IL10RB: variants seen among roughly 807,000 people sequenced by gnomAD.
The protein encoded by IL10RB is interleukin 10 receptor subunit beta.
A neutral mutation model predicts 38.7 loss-of-function variants in IL10RB; 30 were observed. The ratio of observed to expected loss-of-function variants is 0.78; its 90% CI spans 0.58 to 1.05. The LOEUF is 1.05. Ranked by LOEUF, IL10RB falls within the 50% of genes least tolerant of loss-of-function variation. The pLI is 0.00. For synonymous variants in IL10RB, 142 were observed against 145.9 expected (o/e 0.97, Z 0.19); for missense variants, 328 against 397.1 (o/e 0.83, Z 1.48).
chr21:33,300,777 C>T (rs575306258), downstream of IL10RB, among the ~76,000 whole-genome samples: 3 of 152,268 alleles, frequency 2.0e-5, no homozygotes, highest in African/African-American at 7.2e-5. Context: ...AGGCCCTCAC[C>T]AGACACTCAA....
chr21:33,304,292 C>A (rs1014342736), intron 1 of IL10RB, among the ~76,000 whole-genome samples: 4 of 152,194 alleles, frequency 2.6e-5, no homozygotes, highest in African/African-American at 9.6e-5. Flanking sequence ...AAAAAAGGAC[C>A]CAGCCTGAAG....
intron 3 of IL10RB, 59 bp downstream of exon 3, chr21:33,276,812 A>G (rs566730053): frequency 6.1e-6 from 9 of 1,484,836 alleles, no homozygotes; most frequent in Middle Eastern, 1.7e-4. Context: ...GTTTTTTTCC[A>G]CATTGGTTGG....
intron 1 of IL10RB, among the ~76,000 whole-genome samples, 181 bp downstream of exon 1, chr21:33,266,695 T>C (rs1988955294): frequency 6.6e-6 from 1 of 152,222 alleles, no homozygotes; most frequent in Non-Finnish European, 1.5e-5. Context: ...CCGTCGATTC[T>C]GTAACAGGAG....
intron 1 of IL10RB, 145 bp downstream of exon 1, chr21:33,266,659 G>A (rs1289697293): frequency 3.8e-6 from 3 of 793,804 alleles, no homozygotes; most frequent in African/African-American, 3.5e-5. Flanking sequence ...ACGGCCGGCT[G>A]CTGAGACGCA....
At chr21:33,273,408 C>T (rs1021977147) in intron 2 of IL10RB, among the ~76,000 whole-genome samples, 5 of 152,180 alleles carry the variant, frequency 3.3e-5, no homozygotes, top group Admixed American at 2.0e-4. Context: ...AAAATGTGCA[C>T]AGCTTAATTT....
intron 3 of IL10RB, 125 bp from the exon 4 acceptor site, chr21:33,279,627 A>G (rs1352877786): frequency 1.1e-5 from 9 of 821,156 alleles, no homozygotes; most frequent in African/African-American, 3.4e-5. Flanking sequence ...AATCAATGTC[A>G]TGACAATAGT....
At chr21:33,266,584 A>G in intron 1 of IL10RB, 70 bp downstream of exon 1, 23 of 1,455,450 alleles carry the variant, frequency 1.6e-5, no homozygotes, top group East Asian at 2.5e-5. Context: ...CCCTGATCCC[A>G]TCCCTGGGCG....
At chr21:33,273,727 G>A (rs892682690) in intron 2 of IL10RB, among the ~76,000 whole-genome samples, 2 of 152,184 alleles carry the variant, frequency 1.3e-5, no homozygotes, top group African/African-American at 4.8e-5. Context: ...CTAAGTTTAT[G>A]TAATATTCTA....
At chr21:33,267,520 T>TTG (rs1384501790) in intron 1 of IL10RB, among the ~76,000 whole-genome samples, 1 of 143,748 alleles carries the variant, frequency 7.0e-6, no homozygotes, top group Non-Finnish European at 1.5e-5. Flanking sequence ...GTTTTTTTGT[T>TTG]TTTTTTTGAG....
chr21:33,300,067 G>A (rs1375803451), downstream of IL10RB, among the ~76,000 whole-genome samples: 1 of 152,140 alleles, frequency 6.6e-6, no homozygotes, highest in African/African-American at 2.4e-5. Context: ...AATTCTCCAA[G>A]TTGCTACCCC....
chr21:33,301,093 G>T (rs1315208228), downstream of IL10RB, among the ~76,000 whole-genome samples: 4 of 152,146 alleles, frequency 2.6e-5, no homozygotes, highest in Non-Finnish European at 5.9e-5. Context: ...CTCAGCAAGG[G>T]AGTTAGCTGA....
In IL10RB at chr21:33,296,544, C is replaced by T. The variant is rs1390422771; in HGVS notation, c.*187C>T. ...TAAAGGCTGTCTTGGCAAAAATACT[C>T]CATTTGGGAACTCACTGCCTTATAA... On this transcript the variant is annotated 3_prime_UTR_variant, in exon 7 of 7. Coordinates refer to ENST00000290200, the MANE Select transcript of IL10RB (RefSeq NM_000628.5). 4.2e-6 allele frequency: 3 copies of T among 706,484 alleles called. No homozygotes were observed. The highest frequency in any genetic ancestry group is 7.7e-6 in the Non-Finnish European group (3 of 391,462). 43.8% of individuals were successfully genotyped at this position (706,484 alleles called of 1,614,324 possible).
At position 33,296,249 on chromosome 21, in the gene IL10RB, T is replaced by C. The variant is rs1327900404; in HGVS notation, c.870T>C (p.Asp290=). ...CCTTTCCATTGTCGGATGAGAATGA[T>C]GTTTTTGACAAGCTAAGTGTCATTG... ...FFSFPLSDEN[D]VFDKLSVIAE... is the part of the protein sequence containing the mutation. Residue 290 remains aspartate, a synonymous_variant, in exon 7 of 7, where the codon GAT becomes GAC. Coordinates refer to ENST00000290200, the MANE Select transcript of IL10RB (RefSeq NM_000628.5). The C allele has an allele frequency of 2.5e-6, 4 of 1,613,986 alleles. No homozygotes were observed. The highest frequency in any genetic ancestry group is 2.7e-5 in the African/African-American group (2 of 74,920).
intron 1 of IL10RB, among the ~76,000 whole-genome samples, chr21:33,306,774 C>A (rs944333194): frequency 8.5e-5 from 13 of 152,128 alleles, no homozygotes; most frequent in Admixed American, 2.0e-4. Flanking sequence ...TGGGCTCAAG[C>A]AATCCTCCTG....
In IL10RB at chr21:33,266,483, G is replaced by T; in HGVS notation, c.18G>T (p.Gly6=). 6.5e-7 allele frequency: 1 copy of T among 1,542,734 alleles called. No individual in the cohort carries two copies. ...GTCCGTCCATGGCGTGGAGCCTTGG[G>T]AGCTGGCTGGGTGGCTGCCTGCTGG... MAWSL[G]SWLGGCLLVS... is the part of the protein sequence containing the mutation. The change falls in exon 1 of 7, where the codon GGG becomes GGT. Residue 6 remains glycine, a synonymous_variant. Coordinates refer to ENST00000290200, the MANE Select transcript of IL10RB (RefSeq NM_000628.5).
chr21:33,292,857 T>C (rs1376424343), intron 6 of IL10RB, among the ~76,000 whole-genome samples: 1 of 152,138 alleles, frequency 6.6e-6, no homozygotes, highest in African/African-American at 2.4e-5. Context: ...AGTCCTGAGG[T>C]GTGCATAGGG....
intron 2 of IL10RB, among the ~76,000 whole-genome samples, chr21:33,274,865 CAA>C (rs1989141573): frequency 6.6e-6 from 1 of 152,194 alleles, no homozygotes; most frequent in African/African-American, 2.4e-5. Flanking sequence ...TAGCCCTTAA[CAA>C]GAGTCAGCCT....
chr21:33,292,036 G>A (rs1466443784), intron 6 of IL10RB, among the ~76,000 whole-genome samples: 1 of 152,164 alleles, frequency 6.6e-6, no homozygotes, highest in African/African-American at 2.4e-5. Flanking sequence ...GCTGTCTGCT[G>A]TCTATGATAC....
chr21:33,296,497 T>C lies in IL10RB; in HGVS notation c.*140T>C, dbSNP rs1601839750. 2.4e-6 allele frequency: 2 copies of C among 820,434 alleles called. No individual in the cohort carries two copies. Among genetic ancestry groups the C allele is most frequent in the East Asian group, 5.3e-5 (2 of 37,856 alleles). The allele number at this position is 820,434 out of a possible 1,614,324, so 50.8% of individuals were successfully genotyped here. A position where few individuals can be genotyped will look rare whatever the true frequency, so the allele number is the denominator to read the frequency against. On this transcript the variant is annotated 3_prime_UTR_variant, in exon 7 of 7. Coordinates refer to ENST00000290200, the MANE Select transcript of IL10RB (RefSeq NM_000628.5). ...ATCTAGAACTCCCAGACCCTGGACT[T>C]AGCCACCAGAGAGCTACATTTTAAA...
Sources: allele counts gnomAD v4.1 joint callset (sites outside exome capture counted in the v4.1 genomes callset), GRCh38; gene constraint gnomAD v4.1.1; transcripts MANE v1.5; gene names NCBI Gene and HGNC (gene_info 2026-07-23, HGNC 2026-07-21).